The following ZNF717 variants were observed in gnomAD, a reference collection of about 807,000 sequenced individuals.
ZNF717 encodes the protein krueppel-like factor X17.
ZNF717 carries 9 observed loss-of-function variants against 13.8 expected under a neutral mutation model. That is an observed-to-expected ratio of 0.65 (90% CI 0.39 to 1.14). ZNF717 has a LOEUF of 1.14. Among genes scored for constraint, ZNF717 ranks in the 50% most tolerant of loss-of-function variants. The probability of loss-of-function intolerance (pLI) is 0.01; values close to 1 mark genes in which losing one functional copy is unlikely to be tolerated. For missense variants in ZNF717, 1,040 were observed against 1,080.7 expected (o/e 0.96, Z 0.53); for synonymous variants, 327 against 364.1 (o/e 0.90, Z 1.16).
At chr3:75,706,954 A>T (rs1264850548), downstream of ZNF717, among the ~76,000 whole-genome samples, 2 of 152,302 alleles carry the variant, frequency 1.3e-5, no homozygotes, top group Non-Finnish European at 2.9e-5. Context: ...TGAATGCCTG[A>T]CCTCTTACTG....
intron 2 of ZNF717, among the ~76,000 whole-genome samples, chr3:75,754,236 C>T (rs1029500282): frequency 3.3e-5 from 5 of 152,224 alleles, no homozygotes; most frequent in African/African-American, 7.2e-5. Flanking sequence ...AAGAGAGCAT[C>T]ACCTGCCCTG....
intron 6 of ZNF717, among the ~76,000 whole-genome samples, chr3:75,703,282 G>A (rs1489300453): frequency 2.8e-4 from 43 of 152,152 alleles, no homozygotes; most frequent in Non-Finnish European, 6.2e-4. Context: ...TGTAATCCCA[G>A]CAATTTGGGA....
chr3:75,747,316 T>C (rs1170771114), intron 2 of ZNF717, among the ~76,000 whole-genome samples: 1 of 152,214 alleles, frequency 6.6e-6, no homozygotes, highest in Non-Finnish European at 1.5e-5. Flanking sequence ...TTTGTTCTTT[T>C]GGCTTAGGAC....
At chr3:75,754,604 C>T (rs3887344) in intron 2 of ZNF717, among the ~76,000 whole-genome samples, 13,802 of 151,882 alleles carry the variant, frequency 0.091, 908 homozygotes, top group African/African-American at 0.2. Context: ...GTAGACTAGA[C>T]TCAGCTGAGT....
intron 2 of ZNF717, among the ~76,000 whole-genome samples, chr3:75,768,858 C>G (rs974155168): frequency 6.6e-6 from 1 of 152,078 alleles, no homozygotes; most frequent in South Asian, 2.1e-4. Context: ...CAGGCCACCA[C>G]AACCTGATTC....
chr3:75,716,024 G>A (rs76896741), intron 5 of ZNF717, among the ~76,000 whole-genome samples: 1 of 150,352 alleles, frequency 6.7e-6, no homozygotes, highest in South Asian at 2.1e-4. Flanking sequence ...AGGCTCTCAT[G>A]CAGTGGAACA....
At chr3:75,765,233 G>A (rs530864833) in intron 2 of ZNF717, among the ~76,000 whole-genome samples, 8 of 151,744 alleles carry the variant, frequency 5.3e-5, no homozygotes, top group African/African-American at 9.7e-5. Flanking sequence ...GAAGGAGGGG[G>A]AAATTAATAG....
At position 75,738,928 on chromosome 3, in the gene ZNF717, A is replaced by G; in HGVS notation, c.695T>C (p.Ile232Thr). 6.4e-7 allele frequency: 1 copy of G among 1,551,556 alleles called. No individual in the cohort carries two copies. Among genetic ancestry groups the G allele is most frequent in the South Asian group, 1.2e-5 (1 of 84,062 alleles). ...ATTATATTTACCAAAGGTCTGTACT[A>G]TATGAACCCTCTTATGTATAAAGAA... ...AMFFIHKRVH[I>T]VQTFGKYNEY... Residue 232 changes from isoleucine to threonine, a missense_variant, in exon 5 of 5, where the codon ATA becomes ACA. This residue lies in a region of ZNF717 where 873 missense variants were observed against 832.8 expected (regional missense o/e 1.05). Coordinates refer to ENST00000652011, the MANE Select transcript of ZNF717 (RefSeq NM_001290208.3).
At chr3:75,717,269 T>C (rs1320581412) in intron 4 of ZNF717, among the ~76,000 whole-genome samples, 1 of 152,252 alleles carries the variant, frequency 6.6e-6, no homozygotes, top group Non-Finnish European at 1.5e-5. Context: ...CAACAAATGA[T>C]AGGTATGTCC....
chr3:75,759,368 C>T (rs1004971316), intron 2 of ZNF717, among the ~76,000 whole-genome samples: 32 of 151,422 alleles, frequency 2.1e-4, no homozygotes, highest in South Asian at 6.3e-4. Context: ...CTCCACCTCC[C>T]GGGTTCACAC....
At chr3:75,742,363 G>A (rs1456046581) in intron 2 of ZNF717, among the ~76,000 whole-genome samples, 1 of 139,334 alleles carries the variant, frequency 7.2e-6, no homozygotes, top group Non-Finnish European at 1.5e-5. Flanking sequence ...CTCCTCAAAG[G>A]AGCTCATGAT....
chr3:75,756,269 C>T (rs114526431), intron 2 of ZNF717, among the ~76,000 whole-genome samples: 2,278 of 152,346 alleles, frequency 0.015, 14 homozygotes, highest in Non-Finnish European at 0.023. Flanking sequence ...GTTCTGACTA[C>T]TCCACCAACG....
intron 1 of ZNF717, among the ~76,000 whole-genome samples, chr3:75,783,999 C>T (rs1944996744): frequency 6.6e-6 from 1 of 152,102 alleles, no homozygotes; most frequent in Non-Finnish European, 1.5e-5. Context: ...CTGACTTGTC[C>T]AGTGAATGGA....
intron 6 of ZNF717, among the ~76,000 whole-genome samples, chr3:75,700,501 C>G (rs796464001): frequency 6.6e-6 from 1 of 152,266 alleles, no homozygotes; most frequent in Admixed American, 6.5e-5. Flanking sequence ...GTATATAAAA[C>G]AAAACTGGAG....
chr3:75,729,375 A>G (rs1277876994), downstream of ZNF717, among the ~76,000 whole-genome samples: 14 of 152,230 alleles, frequency 9.2e-5, no homozygotes, highest in Non-Finnish European at 1.9e-4. Context: ...CAGCACTCTA[A>G]GAGGCTGAGG....
chr3:75,784,729 G>A (rs1270671485), intron 1 of ZNF717: 1 of 152,166 alleles, frequency 6.6e-6, no homozygotes, highest in Non-Finnish European at 1.5e-5. Flanking sequence ...CAAATCTTGT[G>A]CATTCTAGGG....
intron 6 of ZNF717, among the ~76,000 whole-genome samples, chr3:75,703,736 TTC>T: frequency 6.6e-6 from 1 of 152,176 alleles, no homozygotes. Context: ...ATGCACAAAG[TTC>T]CTAAGAAATA....
At chr3:75,741,062 T>C (rs1169288741) in intron 4 of ZNF717, among the ~76,000 whole-genome samples, 1 of 152,092 alleles carries the variant, frequency 6.6e-6, no homozygotes, top group Non-Finnish European at 1.5e-5. Context: ...AGGGATTGGA[T>C]TTGGGGTAAA....
chr3:75,774,537 C>A (rs572089952), intron 2 of ZNF717, among the ~76,000 whole-genome samples: 4 of 151,326 alleles, frequency 2.6e-5, no homozygotes, highest in South Asian at 2.1e-4. Flanking sequence ...TAATGTTGAA[C>A]CTTCTTCAGG....
Sources: allele counts gnomAD v4.1 joint callset (sites outside exome capture counted in the v4.1 genomes callset), GRCh38; gene constraint gnomAD v4.1.1; regional missense constraint gnomAD v4.1.1; transcripts MANE v1.5; gene names NCBI Gene and HGNC (gene_info 2026-07-23, HGNC 2026-07-21).